NAT10: variants seen among roughly 807,000 people sequenced by gnomAD.
NAT10 encodes RNA cytidine acetyltransferase.
In NAT10, 109 loss-of-function variants were observed where a neutral mutation model predicts 132.2. The ratio of observed to expected loss-of-function variants is 0.82; its 90% confidence interval spans 0.71 to 0.97. The LOEUF (loss-of-function observed/expected upper bound fraction) is 0.97, where lower values mean the gene tolerates loss of function less well. Ranked by LOEUF, NAT10 falls within the 50% of genes least tolerant of loss-of-function variation. The pLI is 0.00. For missense variants in NAT10, 1,184 were observed against 1,263.4 expected (o/e 0.94, Z 0.95); for synonymous variants, 479 against 478.0 (o/e 1.00, Z -0.03).
chr11:34,123,999 G>A (rs1257885419), intron 10 of NAT10, 144 bp downstream of exon 10: 2 of 623,266 alleles, frequency 3.2e-6, no homozygotes, highest in Non-Finnish European at 5.6e-6. Flanking sequence ...GAGAAACCCC[G>A]TCTCTACTAA....
intron 18 of NAT10, 39 bp from the exon 19 acceptor site, chr11:34,135,136 C>G (rs749079965): frequency 1.3e-6 from 2 of 1,536,844 alleles, no homozygotes; most frequent in East Asian, 4.5e-5. Flanking sequence ...GAGAGCAGCT[C>G]TCTTCCCTCG....
At chr11:34,106,226 C>T (rs1851592133) in intron 1 of NAT10, 6 of 152,262 alleles carry the variant, frequency 3.9e-5, no homozygotes, top group Admixed American at 3.9e-4. Context: ...TCAGCAGTCA[C>T]ATTCAGGACT....
intron 2 of NAT10, among the ~76,000 whole-genome samples, 188 bp downstream of exon 2, chr11:34,108,521 G>A (rs1054626695): frequency 6.6e-6 from 1 of 152,166 alleles, no homozygotes; most frequent in East Asian, 1.9e-4. Flanking sequence ...TCGCAGACAA[G>A]CTAATACCTT....
chr11:34,118,548 T>C (rs887799798), intron 8 of NAT10, 45 bp downstream of exon 8: 8 of 1,523,922 alleles, frequency 5.2e-6, no homozygotes, highest in Non-Finnish European at 7.2e-6. Context: ...TAGTAAAACA[T>C]AGCATACGGA....
intron 9 of NAT10, among the ~76,000 whole-genome samples, chr11:34,123,360 T>A (rs1851929005): frequency 2.6e-5 from 4 of 152,260 alleles, no homozygotes; most frequent in Admixed American, 2.0e-4. Context: ...GCATCCTTTA[T>A]ACTCAGCAAG....
chr11:34,110,980 G>C (rs1851684489), intron 3 of NAT10, among the ~76,000 whole-genome samples: 1 of 152,180 alleles, frequency 6.6e-6, no homozygotes, highest in South Asian at 2.1e-4. Flanking sequence ...ATTTAGAGAG[G>C]TAGGCATTTT....
chr11:34,124,564 C>T (rs1185804537), intron 11 of NAT10, among the ~76,000 whole-genome samples, 164 bp downstream of exon 11: 1 of 152,130 alleles, frequency 6.6e-6, no homozygotes, highest in African/African-American at 2.4e-5. Flanking sequence ...TCAGACTCTT[C>T]TAAAGAAAAA....
At chr11:34,109,924 C>G (rs1204859888) in intron 3 of NAT10, among the ~76,000 whole-genome samples, 1 of 152,188 alleles carries the variant, frequency 6.6e-6, no homozygotes, top group Admixed American at 6.5e-5. Context: ...GGAAATCAGA[C>G]TTTTTCCCAA....
At chr11:34,133,466 G>A (rs2132968550) in intron 16 of NAT10, among the ~76,000 whole-genome samples, 1 of 152,288 alleles carries the variant, frequency 6.6e-6, no homozygotes, top group Non-Finnish European at 1.5e-5. Flanking sequence ...TTGAATTAGA[G>A]GCTACAGATT....
Position 34,123,762 on chromosome 11 carries a change from G to A in NAT10, c.915G>A (p.Gly305=), listed in dbSNP as rs769798670. Reference sequence around the variant, plus strand: ...ATCCTTCTTTTATTTTGTTCTGTAGGTACTCCAATATCTTTGTTACCTCCC... The same window carrying A: ...ATCCTTCTTTTATTTTGTTCTGTAGATACTCCAATATCTTTGTTACCTCCC... The part of the protein sequence containing the change: ...GLAIAGAVAF[G]YSNIFVTSPS... The change falls in exon 10 of 29, where the codon GGG becomes GGA. Residue 305 remains glycine, a splice_region_variant and synonymous_variant. Transcript: ENST00000257829. The A allele has an allele frequency of 2.5e-6, 4 of 1,574,196 alleles. No homozygotes were observed. In the African/African-American group the frequency reaches 4.1e-5, roughly 16 times the overall value.
chr11:34,131,023 G>A lies in NAT10; in HGVS notation c.1369+86G>A. On this transcript the variant is annotated intron_variant, in intron 13 of 28. Transcript: ENST00000257829. ...CCTCGCTTCCCCTGTGACATCATGG[G>A]AAGCACCAAACCTTCCCACCATCAG... 1.9e-5 allele frequency: 30 copies of A among 1,560,104 alleles called. 1 individual carries two copies. In the South Asian group the frequency reaches 3.2e-4, roughly 17 times the overall value.
chr11:34,142,493 CCTT>C (rs1852354736), intron 27 of NAT10, 145 bp downstream of exon 27: 1 of 698,934 alleles, frequency 1.4e-6, no homozygotes, highest in South Asian at 1.9e-5. Context: ...TTCTATTTGA[CCTT>C]CTAATTGCCT....
At chr11:34,132,994 G>T (rs1590775987) in intron 15 of NAT10, 32 bp from the exon 16 acceptor site, 2 of 1,548,742 alleles carry the variant, frequency 1.3e-6, no homozygotes, top group East Asian at 4.5e-5. Flanking sequence ...GAGGAAGAGT[G>T]CTTCTCACTG....
At chr11:34,113,021 C>G (rs775053958) in intron 4 of NAT10, among the ~76,000 whole-genome samples, 1 of 152,240 alleles carries the variant, frequency 6.6e-6, no homozygotes, top group Non-Finnish European at 1.5e-5. Flanking sequence ...TGGCTTGCAT[C>G]TCACCTTGGA....
chr11:34,111,647 A>C (rs905142372), intron 3 of NAT10, among the ~76,000 whole-genome samples: 4 of 152,164 alleles, frequency 2.6e-5, no homozygotes, highest in African/African-American at 9.7e-5. Context: ...ACGTGCCATC[A>C]CCTTGTCTTT....
rs35401535 is a variant in NAT10 at position 34,112,124 on chromosome 11, C to T, written c.273C>T (p.Asp91=). 7.6e-5 allele frequency: 122 copies of T among 1,614,202 alleles called. 1 individual carries two copies. The African/African-American group carries it at 1.3e-3, about 17-fold the overall frequency. ...GAACACTGAACATAAAGCAGGACGA[C>T]CCCTTTGAACTCTTCATAGCAGCCA... ...KNGTLNIKQD[D]PFELFIAATN... is the part of the protein sequence containing the mutation. Residue 91 remains aspartate, a synonymous_variant, in exon 4 of 29, where the codon GAC becomes GAT. Transcript: ENST00000257829.
intron 10 of NAT10, among the ~76,000 whole-genome samples, chr11:34,124,083 C>T (rs545013443): frequency 6.6e-5 from 10 of 152,146 alleles, no homozygotes; most frequent in South Asian, 4.2e-4. Flanking sequence ...GCAGGAGAAT[C>T]GCTTGAACCC....
chr11:34,134,033 A>G (rs1003352538), intron 16 of NAT10, among the ~76,000 whole-genome samples: 11 of 151,786 alleles, frequency 7.2e-5, no homozygotes, highest in South Asian at 2.1e-4. Context: ...GTGTGGTGGT[A>G]GGCACCTGTA....
Position 34,128,711 on chromosome 11 carries a change from A to G in NAT10, c.1244+1112A>G, listed in dbSNP as rs117037510. 5.0e-3 allele frequency among the ~76,000 whole-genome samples: 761 copies of G among 152,318 alleles called. 4 individuals are homozygous for G. The highest frequency in any genetic ancestry group is 0.014 in the South Asian group (66 of 4,830). On this transcript the variant is annotated intron_variant, in intron 12 of 28. Coordinates refer to ENST00000257829, the MANE Select transcript of NAT10 (RefSeq NM_024662.3). ...ATATAACTCACATACTGTACTATCTATCCATTTAAAATGTGTAATTTAATG... is the reference window on the plus strand; with the variant it reads ...ATATAACTCACATACTGTACTATCTGTCCATTTAAAATGTGTAATTTAATG...
Sources: allele counts gnomAD v4.1 joint callset (sites outside exome capture counted in the v4.1 genomes callset), GRCh38; gene constraint gnomAD v4.1.1; transcripts MANE v1.5; gene names NCBI Gene and HGNC (gene_info 2026-07-23, HGNC 2026-07-21).